The following XXYLT1 variants were observed in gnomAD, a reference collection of about 807,000 sequenced individuals.
XXYLT1 encodes the protein UDP-xylose:alpha-xyloside alpha-1,3-xylosyltransferase.
XXYLT1 carries 20 observed loss-of-function variants against 28.9 expected under a neutral mutation model. That is an observed-to-expected ratio of 0.69 (90% CI 0.49 to 1.00). XXYLT1 has a LOEUF of 1.00. Ranked by LOEUF, XXYLT1 falls within the 50% of genes least tolerant of loss-of-function variation. The probability of loss-of-function intolerance (pLI) is 0.00; values close to 1 mark genes in which losing one functional copy is unlikely to be tolerated. For missense variants in XXYLT1, 542 were observed against 560.1 expected (o/e 0.97, Z 0.33); for synonymous variants, 257 against 253.8 (o/e 1.01, Z -0.12).
At chr3:195,084,052 T>C (rs1037060128) in intron 3 of XXYLT1, among the ~76,000 whole-genome samples, 3 of 151,442 alleles carry the variant, frequency 2.0e-5, no homozygotes, top group Non-Finnish European at 2.9e-5. Flanking sequence ...GATGTGCTGA[T>C]GGTCACACAT....
intron 1 of XXYLT1, among the ~76,000 whole-genome samples, chr3:195,260,252 G>A (rs1348535698): frequency 3.3e-5 from 5 of 150,910 alleles, no homozygotes; most frequent in Admixed American, 6.6e-5. Context: ...CCGTGTGTCG[G>A]CCCCGGGCGG....
At chr3:195,164,844 A>C (rs995214286) in intron 2 of XXYLT1, among the ~76,000 whole-genome samples, 9 of 152,126 alleles carry the variant, frequency 5.9e-5, no homozygotes, top group African/African-American at 1.9e-4. Context: ...AAGCAAACAC[A>C]AATTAGTTAG....
chr3:195,090,155 C>T (rs1453712798), intron 3 of XXYLT1, among the ~76,000 whole-genome samples: 1 of 151,654 alleles, frequency 6.6e-6, no homozygotes, highest in Non-Finnish European at 1.5e-5. Flanking sequence ...AGGAATTGAA[C>T]TCAGCTCTGC....
At chr3:195,110,187 TGG>T (rs1717460391) in intron 3 of XXYLT1, among the ~76,000 whole-genome samples, 1 of 16,054 alleles carries the variant, frequency 6.2e-5, no homozygotes, top group South Asian at 2.4e-3. Flanking sequence ...TGTGTGTGTG[TGG>T]GTGAGGTGTA....
chr3:195,221,470 T>C (rs1723819385), intron 2 of XXYLT1, among the ~76,000 whole-genome samples: 1 of 152,236 alleles, frequency 6.6e-6, no homozygotes, highest in Admixed American at 6.5e-5. Context: ...TGACAAAGGA[T>C]TGACTGCAGG....
At chr3:195,151,842 C>T (rs1478150602) in intron 3 of XXYLT1, among the ~76,000 whole-genome samples, 5 of 139,070 alleles carry the variant, frequency 3.6e-5, no homozygotes, top group East Asian at 2.2e-4. Context: ...AGGAACAAAG[C>T]GACTGGTAAA....
chr3:195,209,449 G>C lies in XXYLT1; in HGVS notation c.652+17260C>G, dbSNP rs1305113844. ...ATTTTACAGAAACGTTCCGGCTCTT[G>C]CCATCTCAGCCACATCAGGCCCGAC... On this transcript the variant is annotated intron_variant, in intron 2 of 3. Coordinates refer to ENST00000310380, the MANE Select transcript of XXYLT1 (RefSeq NM_152531.5). This position sits in a 1 kb window ranked among gnomAD's most constrained non-coding sequence, Gnocchi z 5.0. 6.6e-6 allele frequency: 1 copy of C among 152,400 alleles called. No homozygotes were observed. Among genetic ancestry groups the C allele is most frequent in the Non-Finnish European group, 1.5e-5 (1 of 68,186 alleles). The allele number at this position is 152,400 out of a possible 1,614,324, so 9.4% of individuals were successfully genotyped here.
intron 3 of XXYLT1, among the ~76,000 whole-genome samples, chr3:195,110,556 GGTGTATGTA>G (rs1440654953): frequency 2.2e-5 from 2 of 92,664 alleles, no homozygotes; most frequent in South Asian, 3.5e-4. Flanking sequence ...GTGTGTGTGT[GGTGTATGTA>G]TGTGGTGTGT....
intron 2 of XXYLT1, among the ~76,000 whole-genome samples, chr3:195,157,219 G>A (rs990797425): frequency 1.4e-5 from 2 of 138,844 alleles, no homozygotes; most frequent in African/African-American, 5.5e-5. Context: ...CTCCAGCCTG[G>A]GCAACAGAGC....
chr3:195,161,263 G>A (rs1461550533), intron 2 of XXYLT1, among the ~76,000 whole-genome samples: 1 of 152,208 alleles, frequency 6.6e-6, no homozygotes, highest in Non-Finnish European at 1.5e-5. Context: ...AGCAAAAAAG[G>A]CTCAGGGTGG....
chr3:195,188,894 T>C (rs1228828036), intron 2 of XXYLT1, among the ~76,000 whole-genome samples: 1 of 152,228 alleles, frequency 6.6e-6, no homozygotes, highest in African/African-American at 2.4e-5. Flanking sequence ...TGCAGCCTCA[T>C]ACAGTAACAT....
intron 3 of XXYLT1, among the ~76,000 whole-genome samples, chr3:195,083,572 A>G (rs1357891400): frequency 6.6e-6 from 1 of 152,188 alleles, no homozygotes; most frequent in Non-Finnish European, 1.5e-5. Context: ...TATTATGGAC[A>G]AGCACCATGC....
At chr3:195,072,351 G>A (rs1714870410) in intron 3 of XXYLT1, among the ~76,000 whole-genome samples, 1 of 152,174 alleles carries the variant, frequency 6.6e-6, no homozygotes, top group Admixed American at 6.5e-5. Flanking sequence ...CTAGCAAGTG[G>A]GGAGCAAAGA....
intron 2 of XXYLT1, among the ~76,000 whole-genome samples, chr3:195,164,567 C>T (rs1404337537): frequency 6.6e-6 from 1 of 152,238 alleles, no homozygotes; most frequent in Non-Finnish European, 1.5e-5. Flanking sequence ...GCAAGGAGGA[C>T]CAGGCCAGAG....
chr3:195,085,819 G>A (rs1715695437), intron 3 of XXYLT1: 1 of 152,558 alleles, frequency 6.6e-6, no homozygotes, highest in Admixed American at 6.5e-5. Flanking sequence ...ACCCAACACA[G>A]GAAAGAGGTG....
intron 3 of XXYLT1, among the ~76,000 whole-genome samples, chr3:195,085,528 C>T (rs567745742): frequency 6.6e-6 from 1 of 152,310 alleles, no homozygotes; most frequent in South Asian, 2.1e-4. Flanking sequence ...CAGTTCTACT[C>T]GAGAAGCACA....
At chr3:195,237,211 C>T (rs1577182336) in intron 1 of XXYLT1, among the ~76,000 whole-genome samples, 1 of 152,136 alleles carries the variant, frequency 6.6e-6, no homozygotes, top group South Asian at 2.1e-4. Context: ...ACCCAGAACA[C>T]TTTAACCTAT....
intron 3 of XXYLT1, among the ~76,000 whole-genome samples, chr3:195,092,767 C>T (rs1488685864): frequency 1.8e-5 from 2 of 111,952 alleles, no homozygotes; most frequent in Non-Finnish European, 3.4e-5. Context: ...AGAAAATTTT[C>T]GCAACCAACT....
chr3:195,214,567 A>G (rs1214338929), intron 2 of XXYLT1, among the ~76,000 whole-genome samples: 1 of 152,084 alleles, frequency 6.6e-6, no homozygotes, highest in Non-Finnish European at 1.5e-5. Flanking sequence ...AAAACCATCT[A>G]CATACGGCAT....
Sources: allele counts gnomAD v4.1 joint callset (sites outside exome capture counted in the v4.1 genomes callset), GRCh38; gene constraint gnomAD v4.1.1; non-coding constraint Gnocchi (gnomAD v3.1); transcripts MANE v1.5; gene names NCBI Gene and HGNC (gene_info 2026-07-23, HGNC 2026-07-21).